GPATCH2: variants seen among roughly 807,000 people sequenced by gnomAD.
GPATCH2 encodes G-patch domain containing 2, also known as G patch domain-containing protein 2.
Under a neutral mutation model 58.0 loss-of-function variants are expected in GPATCH2, and 51 were observed. The observed-to-expected ratio is 0.88, with a 90% confidence interval of 0.70 to 1.11. The LOEUF (loss-of-function observed/expected upper bound fraction) is 1.11. Ranked by LOEUF, GPATCH2 falls within the 50% of genes most tolerant of loss-of-function variation. The pLI is 0.00. For missense variants in GPATCH2, 625 were observed against 652.2 expected, an observed-to-expected ratio of 0.96 and a Z score of 0.45; for synonymous variants, 222 against 218.5, an observed-to-expected ratio of 1.02 and a Z score of -0.14.
intron 5 of GPATCH2, among the ~76,000 whole-genome samples, chr1:217,564,560 C>T (rs1666117328): frequency 6.6e-6 from 1 of 152,172 alleles, no homozygotes; most frequent in Non-Finnish European, 1.5e-5. Flanking sequence ...TCCAGCAACT[C>T]TTTGAAAACA....
At chr1:217,560,041 G>T (rs1371118158) in intron 5 of GPATCH2, among the ~76,000 whole-genome samples, 1 of 152,130 alleles carries the variant, frequency 6.6e-6, no homozygotes, top group Admixed American at 6.5e-5. Flanking sequence ...TGGAGATGGG[G>T]TTTCACCATG....
rs1255523475 is a variant in GPATCH2, at chr1:217,468,279, AGGGAAG to A, written c.1278-18948_1278-18943del. 3.3e-5 allele frequency among the ~76,000 whole-genome samples: 5 copies of A among 152,300 alleles called. No homozygotes were observed. In the East Asian group the frequency reaches 9.6e-4, roughly 29 times the overall value. On this transcript the variant is annotated intron_variant, in intron 8 of 9. Transcript: ENST00000366935. ...TAAATCACGGAAAGAGATATAAGTG[AGGGAAG>A]TACACAATATCACCTTTGGAACAAT...
At chr1:217,606,772 C>T (rs922520816) in intron 5 of GPATCH2, among the ~76,000 whole-genome samples, 7 of 152,048 alleles carry the variant, frequency 4.6e-5, no homozygotes, top group African/African-American at 1.7e-4. Context: ...AGTTTAAGGT[C>T]CACAATTCTG....
At chr1:217,440,038 C>T (rs1659061767) in intron 9 of GPATCH2, among the ~76,000 whole-genome samples, 1 of 152,148 alleles carries the variant, frequency 6.6e-6, no homozygotes, top group Admixed American at 6.5e-5. Flanking sequence ...ATCCTGATAC[C>T]AAAACTTGGC....
intron 5 of GPATCH2, among the ~76,000 whole-genome samples, chr1:217,525,005 G>T (rs1663812222): frequency 7.2e-6 from 1 of 138,874 alleles, no homozygotes; most frequent in Non-Finnish European, 1.6e-5. Context: ...GGGAAAATTT[G>T]GAATTTTTAT....
chr1:217,614,962 G>A (rs1452282426), intron 2 of GPATCH2, among the ~76,000 whole-genome samples: 1 of 151,716 alleles, frequency 6.6e-6, no homozygotes, highest in Non-Finnish European at 1.5e-5. Flanking sequence ...AATACCAGGA[G>A]AACAAAGTCA....
intron 8 of GPATCH2, among the ~76,000 whole-genome samples, chr1:217,473,998 T>G (rs114087069): frequency 6.6e-6 from 1 of 152,202 alleles, no homozygotes; most frequent in South Asian, 2.1e-4. Context: ...AATTTGATTA[T>G]AGGACTCATT....
intron 5 of GPATCH2, among the ~76,000 whole-genome samples, chr1:217,527,120 AATGAT>A (rs1185302444): frequency 6.6e-6 from 1 of 151,788 alleles, no homozygotes; most frequent in Non-Finnish European, 1.5e-5. Flanking sequence ...ACAATGTAAT[AATGAT>A]ATAATTATTT....
Position 217,611,089 on chromosome 1 carries a change from A to T in GPATCH2, c.836-18T>A. ...ATCATCACCTGTGCAAATACAAGAA[A>T]CCCCCCCCCACCAAAGACTCAGTTT... On this transcript the variant is annotated intron_variant, in intron 3 of 9. Coordinates refer to ENST00000366935, the MANE Select transcript of GPATCH2 (RefSeq NM_018040.5). 6.5e-7 allele frequency: 1 copy of T among 1,530,758 alleles called. No homozygotes were observed. Among genetic ancestry groups the T allele is most frequent in the Non-Finnish European group, 8.9e-7 (1 of 1,127,652 alleles). The allele number at this position is 1,530,758 out of a possible 1,614,324, so 94.8% of individuals were successfully genotyped here.
At position 217,446,512 on chromosome 1, in the gene GPATCH2, A is replaced by G. The variant is rs999667752; in HGVS notation, c.1366+2737T>C. On this transcript the variant is annotated intron_variant, in intron 9 of 9. Transcript: ENST00000366935. ...ATTCATTGGTATTAAAAGATATTCT[A>G]TTTAAAACTGAGGACTTTAAGATAA... 1.3e-4 allele frequency among the ~76,000 whole-genome samples: 20 copies of G among 152,100 alleles called. 1 individual carries two copies. The highest frequency in any genetic ancestry group is 2.4e-4 in the Non-Finnish European group (16 of 67,956).
chr1:217,433,278 C>T (rs981895561), intron 9 of GPATCH2, among the ~76,000 whole-genome samples: 90 of 151,458 alleles, frequency 5.9e-4, no homozygotes, highest in African/African-American at 2.1e-3. Context: ...AACGATGAAA[C>T]TCCAGAGTAT....
chr1:217,593,836 G>A (rs142676626), intron 5 of GPATCH2, among the ~76,000 whole-genome samples: 2,790 of 152,034 alleles, frequency 0.018, 41 homozygotes, highest in Middle Eastern at 0.088. Context: ...AAAGAACTGC[G>A]TTAACCTAAA....
chr1:217,561,948 G>A (rs764136206), intron 5 of GPATCH2, among the ~76,000 whole-genome samples: 2 of 152,126 alleles, frequency 1.3e-5, no homozygotes, highest in Non-Finnish European at 2.9e-5. Flanking sequence ...TCTCAAGCAG[G>A]TATACTGGAA....
At chr1:217,585,086 AG>A (rs1323994502) in intron 5 of GPATCH2, among the ~76,000 whole-genome samples, 1 of 152,142 alleles carries the variant, frequency 6.6e-6, no homozygotes, top group South Asian at 2.1e-4. Context: ...TAAATTAACC[AG>A]GAAGGTTAAT....
At chr1:217,537,854 A>G (rs1032117921) in intron 5 of GPATCH2, among the ~76,000 whole-genome samples, 3 of 152,226 alleles carry the variant, frequency 2.0e-5, no homozygotes, top group Non-Finnish European at 4.4e-5. Context: ...TTTAATATTA[A>G]AAATTACAAA....
Position 217,427,652 on chromosome 1 carries a change from A to G in GPATCH2, c.*3493T>C, listed in dbSNP as rs1333174815. On this transcript the variant is annotated 3_prime_UTR_variant, in exon 10 of 10. Coordinates refer to ENST00000366935, the MANE Select transcript of GPATCH2 (RefSeq NM_018040.5). The stretch of plus-strand genomic sequence containing the variant: ...CAATTTCTTTACAATGCCAACTTAG[A>G]TCACTTTTCTTTTTGAAAGACAAAA... 2 of 152,174 alleles carry G rather than the reference A, an allele frequency of 1.3e-5. No individual in the cohort carries two copies. The highest frequency in any genetic ancestry group is 2.9e-5 in the Non-Finnish European group (2 of 68,002). The allele number at this position is 152,174 out of a possible 1,614,324, so 9.4% of individuals were successfully genotyped here.
At chr1:217,615,305 A>T (rs1668830315) in intron 2 of GPATCH2, among the ~76,000 whole-genome samples, 2 of 152,106 alleles carry the variant, frequency 1.3e-5, no homozygotes, top group South Asian at 4.1e-4. Flanking sequence ...ATTTCTTAAG[A>T]GGCACATTCT....
chr1:217,541,622 A>G (rs183616585), intron 5 of GPATCH2, among the ~76,000 whole-genome samples: 172 of 152,352 alleles, frequency 1.1e-3, no homozygotes, highest in African/African-American at 4.1e-3. Flanking sequence ...CATTAACAAA[A>G]GAATAAAAAT....
chr1:217,568,140 A>C (rs1310542841), intron 5 of GPATCH2, among the ~76,000 whole-genome samples: 5 of 152,106 alleles, frequency 3.3e-5, no homozygotes, highest in African/African-American at 4.8e-5. Flanking sequence ...AAACAACAAC[A>C]AAAAAACCCC....
Sources: allele counts gnomAD v4.1 joint callset (sites outside exome capture counted in the v4.1 genomes callset), GRCh38; gene constraint gnomAD v4.1.1; transcripts MANE v1.5; gene names NCBI Gene and HGNC (gene_info 2026-07-23, HGNC 2026-07-21).